The following MAN1A1 variants were observed in gnomAD, a reference collection of about 807,000 sequenced individuals.
MAN1A1 encodes mannosidase alpha class 1A member 1, also known as mannosyl-oligosaccharide 1,2-alpha-mannosidase IA.
MAN1A1 carries 29 observed loss-of-function variants against 70.8 expected under a neutral mutation model. The ratio of observed to expected loss-of-function variants is 0.41; its 90% confidence interval spans 0.31 to 0.56. MAN1A1 has a LOEUF of 0.56. MAN1A1 is among the 20% of genes least tolerant of loss of function. The probability of loss-of-function intolerance (pLI) is 0.29; values close to 1 mark genes in which losing one functional copy is unlikely to be tolerated. For synonymous variants in MAN1A1, 349 were observed against 330.1 expected (o/e 1.06, Z -0.62); for missense variants, 747 against 841.3 (o/e 0.89, Z 1.39).
intron 5 of MAN1A1, among the ~76,000 whole-genome samples, chr6:119,282,046 G>A (rs993638323): frequency 1.4e-4 from 22 of 152,040 alleles, no homozygotes; most frequent in African/African-American, 4.6e-4. Context: ...CAGCCTGGGC[G>A]GCAGAGCAAG....
In MAN1A1 at chr6:119,245,590, G is replaced by A. The variant is rs138573619; in HGVS notation, c.992+2670C>T. Among the ~76,000 whole-genome samples, 191 of 152,218 alleles carry A rather than the reference G, an allele frequency of 1.3e-3. 1 individual carries two copies. The highest frequency in any genetic ancestry group is 4.1e-3 in the South Asian group (20 of 4,828). ...ACTTGATTAGGCAAAGGAACAGGGG[G>A]AATTTTAGTGAACTAATATCACTAT... On this transcript the variant is annotated intron_variant, in intron 6 of 12. Transcript: ENST00000368468.
At chr6:119,287,546 T>C (rs1455542021) in intron 5 of MAN1A1, among the ~76,000 whole-genome samples, 1 of 150,096 alleles carries the variant, frequency 6.7e-6, no homozygotes, top group African/African-American at 2.5e-5. Context: ...AGATGTCACT[T>C]TTTTTTTTAA....
chr6:119,247,035 G>GA (rs1775186238), intron 6 of MAN1A1, among the ~76,000 whole-genome samples: 1 of 152,038 alleles, frequency 6.6e-6, no homozygotes, highest in Non-Finnish European at 1.5e-5. Flanking sequence ...TCAAGGTGTA[G>GA]ATATATAATA....
intron 2 of MAN1A1, among the ~76,000 whole-genome samples, chr6:119,323,605 G>A (rs976998251): frequency 2.0e-5 from 3 of 152,142 alleles, no homozygotes; most frequent in African/African-American, 7.2e-5. Flanking sequence ...GAAGGTATGG[G>A]AATGTGCCCA....
At chr6:119,312,452 T>C (rs1772736951) in intron 2 of MAN1A1, among the ~76,000 whole-genome samples, 1 of 152,166 alleles carries the variant, frequency 6.6e-6, no homozygotes, top group South Asian at 2.1e-4. Flanking sequence ...GGGAAATTAA[T>C]TCACAATTTC....
At chr6:119,322,781 A>G (rs1773047557) in intron 2 of MAN1A1, among the ~76,000 whole-genome samples, 1 of 152,204 alleles carries the variant, frequency 6.6e-6, no homozygotes, top group Non-Finnish European at 1.5e-5. Context: ...TCTTCAGCAT[A>G]AGGCTCTGAA....
At position 119,198,443 on chromosome 6, in the gene MAN1A1, G is replaced by A. The variant is rs6900434; in HGVS notation, c.1210+2811C>T. ...TTGTTTTATCCCTAGTCCTCTGGTG[G>A]CCCTCAAACTGTTGAGTCTCAGCAC... is the stretch of plus-strand genomic sequence containing the variant. On this transcript the variant is annotated intron_variant, in intron 8 of 12. Coordinates refer to ENST00000368468, the MANE Select transcript of MAN1A1 (RefSeq NM_005907.4). Among the ~76,000 whole-genome samples the A allele has an allele frequency of 5.1e-4, 77 of 152,136 alleles. No individual in the cohort carries two copies. In the East Asian group the frequency reaches 0.013, roughly 25 times the overall value.
chr6:119,291,063 C>T (rs1464916513), intron 4 of MAN1A1, among the ~76,000 whole-genome samples: 2 of 151,988 alleles, frequency 1.3e-5, no homozygotes, highest in South Asian at 4.2e-4. Context: ...GTGTCCCCAC[C>T]CAAATCTCAT....
chr6:119,222,342 T>G (rs1465692840), intron 6 of MAN1A1, among the ~76,000 whole-genome samples: 1 of 150,776 alleles, frequency 6.6e-6, no homozygotes, highest in African/African-American at 2.4e-5. Flanking sequence ...TTTTTTTTTT[T>G]TTGAGACAGG....
chr6:119,194,875 C>G (rs1773528865), intron 8 of MAN1A1, among the ~76,000 whole-genome samples: 1 of 151,554 alleles, frequency 6.6e-6, no homozygotes, highest in Non-Finnish European at 1.5e-5. Flanking sequence ...GCTCTGTCAC[C>G]AGGCTGGAGT....
chr6:119,301,524 C>G (rs546451538), intron 4 of MAN1A1, among the ~76,000 whole-genome samples: 1 of 152,116 alleles, frequency 6.6e-6, no homozygotes, highest in Non-Finnish European at 1.5e-5. Flanking sequence ...TCTTTCTTTA[C>G]GGGAAAATGA....
At chr6:119,195,556 T>C (rs1360453510) in intron 8 of MAN1A1, among the ~76,000 whole-genome samples, 3 of 152,328 alleles carry the variant, frequency 2.0e-5, no homozygotes, top group African/African-American at 7.2e-5. Context: ...TTATCACCTG[T>C]AATTTCATAA....
intron 10 of MAN1A1, 130 bp downstream of exon 10, chr6:119,189,534 T>C (rs544503741): frequency 2.5e-6 from 2 of 797,414 alleles, no homozygotes; most frequent in East Asian, 2.5e-5. Flanking sequence ...ATACATTCCT[T>C]TGAGACATTA....
At chr6:119,333,604 GAACT>G (rs1304151709) in intron 2 of MAN1A1, among the ~76,000 whole-genome samples, 1 of 152,214 alleles carries the variant, frequency 6.6e-6, no homozygotes, top group African/African-American at 2.4e-5. Flanking sequence ...TATTAAGCTA[GAACT>G]AACACCTGAT....
chr6:119,202,648 G>A (rs548841257), intron 7 of MAN1A1, among the ~76,000 whole-genome samples: 2 of 152,198 alleles, frequency 1.3e-5, no homozygotes, highest in Admixed American at 6.5e-5. Context: ...TGTAAGTAAC[G>A]CATTGCACTA....
chr6:119,280,477 AC>A (rs751449828), intron 5 of MAN1A1, among the ~76,000 whole-genome samples: 35 of 152,232 alleles, frequency 2.3e-4, no homozygotes, highest in Non-Finnish European at 4.1e-4. Context: ...TTTCTGCGGC[AC>A]CAACTGCAGT....
chr6:119,283,417 T>C (rs535878121), intron 5 of MAN1A1, among the ~76,000 whole-genome samples: 3 of 152,220 alleles, frequency 2.0e-5, no homozygotes, highest in South Asian at 4.2e-4. Flanking sequence ...CATGAGGATA[T>C]GAAAACAGCA....
intron 7 of MAN1A1, among the ~76,000 whole-genome samples, chr6:119,203,198 G>C (rs188089667): frequency 1.3e-5 from 2 of 152,286 alleles, no homozygotes; most frequent in East Asian, 1.9e-4. Flanking sequence ...ATGGTAACCC[G>C]AGCTGATTGA....
chr6:119,207,405 G>GTTA (rs1485563984), intron 6 of MAN1A1, among the ~76,000 whole-genome samples: 2 of 152,274 alleles, frequency 1.3e-5, no homozygotes, highest in East Asian at 3.9e-4. Context: ...ATGTATTTCA[G>GTTA]TTAGATTACT....
Sources: allele counts gnomAD v4.1 joint callset (sites outside exome capture counted in the v4.1 genomes callset), GRCh38; gene constraint gnomAD v4.1.1; transcripts MANE v1.5; gene names NCBI Gene and HGNC (gene_info 2026-07-23, HGNC 2026-07-21).